Variants in CHST11 observed in about 807,000 individuals in gnomAD.
CHST11 encodes C4S-1.
A neutral mutation model predicts 30.4 loss-of-function variants in CHST11; 9 were observed. The observed-to-expected ratio is 0.30, with a 90% confidence interval of 0.18 to 0.52. The LOEUF is 0.52. Among genes scored for constraint, CHST11 ranks in the 20% least tolerant of loss-of-function variants. CHST11 has a pLI of 0.97. For missense variants in CHST11, 348 were observed against 460.6 expected, an observed-to-expected ratio of 0.76 and a Z score of 2.24; for synonymous variants, 152 against 187.8, an observed-to-expected ratio of 0.81 and a Z score of 1.56.
chr12:104,657,031 A>G (rs2136085489), intron 2 of CHST11, among the ~76,000 whole-genome samples: 1 of 151,584 alleles, frequency 6.6e-6, no homozygotes, highest in South Asian at 2.1e-4. Flanking sequence ...TAAATTGATG[A>G]AGAAAGCGTG....
intron 1 of CHST11, among the ~76,000 whole-genome samples, chr12:104,483,735 C>T (rs964804833): frequency 6.6e-6 from 1 of 152,188 alleles, no homozygotes; most frequent in Non-Finnish European, 1.5e-5. Context: ...TCCACGTGTA[C>T]TTATTCCTCA....
chr12:104,584,421 T>G (rs2038781958), intron 1 of CHST11, among the ~76,000 whole-genome samples: 1 of 152,008 alleles, frequency 6.6e-6, no homozygotes, highest in Non-Finnish European at 1.5e-5. Context: ...CATGCCTGGC[T>G]AATTTTTGTA....
chr12:104,531,499 G>C (rs73185413), intron 1 of CHST11, among the ~76,000 whole-genome samples: 1 of 149,064 alleles, frequency 6.7e-6, no homozygotes, highest in Non-Finnish European at 1.5e-5. Context: ...GAGAGAGAAA[G>C]ATTAAGTGAC....
At chr12:104,574,147 A>G (rs1216997994) in intron 1 of CHST11, among the ~76,000 whole-genome samples, 3 of 152,244 alleles carry the variant, frequency 2.0e-5, no homozygotes, top group Non-Finnish European at 2.9e-5. Context: ...AATGCAAATC[A>G]AAACCACAGT....
intron 1 of CHST11, among the ~76,000 whole-genome samples, chr12:104,468,091 T>C (rs1476529875): frequency 6.6e-6 from 1 of 151,286 alleles, no homozygotes; most frequent in African/African-American, 2.4e-5. Context: ...GATATTAAAT[T>C]ATAGAGTATG....
At position 104,551,215 on chromosome 12, in the gene CHST11, G is replaced by A. The variant is rs191454456; in HGVS notation, c.119-50691G>A. Among the ~76,000 whole-genome samples the A allele has an allele frequency of 2.6e-3, 393 of 152,218 alleles. 8 individuals are homozygous for A. The highest frequency in any genetic ancestry group is 1.7e-3 in the South Asian group (8 of 4,818). On this transcript the variant is annotated intron_variant, in intron 1 of 2. Transcript: ENST00000303694. ...GTGACGATTTCCCCAGCAGACTTTC[G>A]ACAGGAAAAATTAATAGGCAACTGC...
At chr12:104,657,189 T>C (rs1344677) in intron 2 of CHST11, among the ~76,000 whole-genome samples, 80,948 of 152,030 alleles carry the variant, frequency 0.53, 22,402 homozygotes, top group African/African-American at 0.67. Context: ...ATTTCCTGGT[T>C]TAGCAAGCAT....
chr12:104,464,195 G>A (rs1386566837), intron 1 of CHST11, among the ~76,000 whole-genome samples: 2 of 151,538 alleles, frequency 1.3e-5, no homozygotes, highest in African/African-American at 4.9e-5. Context: ...AGCCTCCTGA[G>A]TAGCTGGGAT....
chr12:104,708,858 C>T (rs1450667845), intron 2 of CHST11, among the ~76,000 whole-genome samples: 1 of 152,226 alleles, frequency 6.6e-6, no homozygotes, highest in Non-Finnish European at 1.5e-5. Flanking sequence ...AGGGGCCCCT[C>T]GGGTGCCCCA....
At chr12:104,607,947 T>G (rs1446886462) in intron 2 of CHST11, among the ~76,000 whole-genome samples, 1 of 152,154 alleles carries the variant, frequency 6.6e-6, no homozygotes, top group Non-Finnish European at 1.5e-5. Flanking sequence ...GCCTCAGCAT[T>G]GTCATCTATA....
intron 2 of CHST11, among the ~76,000 whole-genome samples, chr12:104,605,748 A>G (rs955977693): frequency 1.3e-5 from 2 of 152,222 alleles, no homozygotes; most frequent in Admixed American, 1.3e-4. Context: ...GGAGGTGTCA[A>G]CTGCATATTT....
At chr12:104,483,182 C>T (rs2037643861) in intron 1 of CHST11, among the ~76,000 whole-genome samples, 1 of 152,146 alleles carries the variant, frequency 6.6e-6, no homozygotes, top group Non-Finnish European at 1.5e-5. Context: ...AGGCAGGTCC[C>T]TTGGTTACAG....
At chr12:104,498,228 T>C (rs1432222654) in intron 1 of CHST11, among the ~76,000 whole-genome samples, 2 of 152,122 alleles carry the variant, frequency 1.3e-5, no homozygotes, top group East Asian at 3.9e-4. Context: ...CACCAGACCC[T>C]GTCCCCTCTC....
chr12:104,705,987 G>A (rs1051420071), intron 2 of CHST11, among the ~76,000 whole-genome samples: 3 of 152,140 alleles, frequency 2.0e-5, no homozygotes, highest in African/African-American at 4.8e-5. Flanking sequence ...TGGGGAGGCT[G>A]AGGCAGGAGG....
chr12:104,739,048 T>C (rs1044837113), intron 2 of CHST11, among the ~76,000 whole-genome samples: 1 of 152,126 alleles, frequency 6.6e-6, no homozygotes, highest in African/African-American at 2.4e-5. Flanking sequence ...AGTCTGAAGC[T>C]CATCCAGGGC....
chr12:104,604,610 C>G (rs1027657952), intron 2 of CHST11, among the ~76,000 whole-genome samples: 1 of 152,094 alleles, frequency 6.6e-6, no homozygotes, highest in Non-Finnish European at 1.5e-5. Context: ...AACTTTGCAC[C>G]TGATTGGGCT....
chr12:104,755,060 GTGGC>G (rs1427070958), intron 2 of CHST11, among the ~76,000 whole-genome samples: 1 of 152,188 alleles, frequency 6.6e-6, no homozygotes, highest in African/African-American at 2.4e-5. Flanking sequence ...CTTCTCCCTG[GTGGC>G]TACCATGATG....
chr12:104,717,754 G>C (rs2136124417), intron 2 of CHST11, among the ~76,000 whole-genome samples: 1 of 152,096 alleles, frequency 6.6e-6, no homozygotes, highest in South Asian at 2.1e-4. Flanking sequence ...CTGGGTGACA[G>C]AGTGAGACTC....
chr12:104,492,958 G>A (rs1353873708), intron 1 of CHST11, among the ~76,000 whole-genome samples: 1 of 151,320 alleles, frequency 6.6e-6, no homozygotes, highest in Non-Finnish European at 1.5e-5. Flanking sequence ...TCTTGAACCC[G>A]GGAGGCGGAG....
Sources: gnomAD v4.1 joint callset for allele counts (sites outside exome capture counted in the v4.1 genomes callset) on GRCh38, gnomAD v4.1.1 for gene constraint, MANE v1.5 for transcripts, NCBI Gene and HGNC (gene_info 2026-07-23, HGNC 2026-07-21) for gene names.